Variants in CUX1 observed in about 807,000 individuals in gnomAD.
CUX1 encodes protein CASP.
Under a neutral mutation model 158.8 loss-of-function variants are expected in CUX1, and 31 were observed. The ratio of observed to expected loss-of-function variants is 0.20; its 90% CI spans 0.15 to 0.26. CUX1 has a LOEUF of 0.26. Among genes scored for constraint, CUX1 ranks in the 10% least tolerant of loss-of-function variants. CUX1 has a pLI of 1.00. For missense variants in CUX1, 1,589 were observed against 2,014.6 expected, an observed-to-expected ratio of 0.79 and a Z score of 4.04; for synonymous variants, 879 against 862.1, an observed-to-expected ratio of 1.02 and a Z score of -0.34.
In CUX1 at chr7:102,115,287, C is replaced by T. The variant is rs782485785; in HGVS notation, c.674+14C>T. The T allele has an allele frequency of 1.2e-6, 2 of 1,606,430 alleles. No homozygotes were observed. Among genetic ancestry groups the T allele is most frequent in the South Asian group, 2.2e-5 (2 of 89,770 alleles). ...AACTACTGCAAAGTAAGTCTCTCTGCTTGGCCTCCCTTATCCGTACACATT... is the reference window on the plus strand; with the variant it reads ...AACTACTGCAAAGTAAGTCTCTCTGTTTGGCCTCCCTTATCCGTACACATT... On this transcript the variant is annotated intron_variant, in intron 8 of 23. Coordinates refer to ENST00000292535, the MANE Select transcript of CUX1 (RefSeq NM_181552.4).
chr7:102,213,163 A>G (rs557058819), intron 20 of CUX1, among the ~76,000 whole-genome samples: 3 of 152,234 alleles, frequency 2.0e-5, no homozygotes, highest in African/African-American at 7.2e-5. Context: ...CTTTTAAAAC[A>G]GAATCTAGTC....
chr7:102,251,843 T>C lies in CUX1; in HGVS notation c.*2801T>C, dbSNP rs959902818. 1.7e-5 allele frequency: 17 copies of C among 985,338 alleles called. No homozygotes were observed. The highest frequency in any genetic ancestry group is 2.0e-5 in the Non-Finnish European group (17 of 829,934). 61.0% of individuals were successfully genotyped at this position (985,338 alleles called of 1,614,324 possible). On this transcript the variant is annotated 3_prime_UTR_variant, in exon 24 of 24. Coordinates refer to ENST00000292535, the MANE Select transcript of CUX1 (RefSeq NM_181552.4). ...GGTTTAGTTTTAAAGGCATGACTGT[T>C]ATTTACAAAGGTGTTAAATCTGAGG... is the stretch of plus-strand genomic sequence containing the variant.
chr7:102,003,334 A>ACACGCC (rs1469103474), intron 2 of CUX1, among the ~76,000 whole-genome samples: 6 of 146,764 alleles, frequency 4.1e-5, no homozygotes, highest in East Asian at 2.0e-4. Context: ...ACACACACAC[A>ACACGCC]CGCCCGCCCC....
chr7:102,200,221 A>C, intron 17 of CUX1, 49 bp downstream of exon 17: 1 of 1,483,380 alleles, frequency 6.7e-7, no homozygotes, highest in Non-Finnish European at 9.3e-7. Context: ...AATTAAGAGA[A>C]TTGTCATGAG....
At chr7:101,922,721 C>A (rs992776356) in intron 2 of CUX1, among the ~76,000 whole-genome samples, 1 of 152,180 alleles carries the variant, frequency 6.6e-6, no homozygotes, top group Non-Finnish European at 1.5e-5. Context: ...CAAGGCCTGA[C>A]CGCTGGGCAG....
Position 101,821,388 on chromosome 7 carries a change from G to C in CUX1, c.30+3719G>C, listed in dbSNP as rs541733387. Among the ~76,000 whole-genome samples the C allele has an allele frequency of 1.5e-4, 23 of 151,452 alleles. No homozygotes were observed. The South Asian group carries it at 3.1e-3, about 21-fold the overall frequency. On this transcript the variant is annotated intron_variant, in intron 1 of 23. Coordinates refer to ENST00000292535, the MANE Select transcript of CUX1 (RefSeq NM_181552.4). ...GAGTCTCGCTCTTTCGCCCAGGCCG[G>C]AGTGCAGAGGCACTATCTCAGCTCA...
chr7:102,170,800 C>CT (rs1791627032), intron 10 of CUX1, among the ~76,000 whole-genome samples: 1 of 151,350 alleles, frequency 6.6e-6, no homozygotes, highest in African/African-American at 2.5e-5. Context: ...AAGGTGGAGG[C>CT]TACGCAGGCA....
At chr7:102,055,702 G>A (rs1824050438) in intron 3 of CUX1, among the ~76,000 whole-genome samples, 1 of 152,114 alleles carries the variant, frequency 6.6e-6, no homozygotes, top group Non-Finnish European at 1.5e-5. Context: ...TCCTGCAATG[G>A]CCTATTAAGT....
At chr7:102,142,154 G>T (rs903114927) in intron 8 of CUX1, among the ~76,000 whole-genome samples, 8 of 152,116 alleles carry the variant, frequency 5.3e-5, no homozygotes, top group African/African-American at 1.2e-4. Flanking sequence ...CTCCCCTGTG[G>T]TGTGTCTTTT....
chr7:101,971,437 C>G (rs1226732206), intron 2 of CUX1, among the ~76,000 whole-genome samples: 1 of 152,098 alleles, frequency 6.6e-6, no homozygotes, highest in Non-Finnish European at 1.5e-5. Flanking sequence ...CACTGGAGCC[C>G]AGGAGTTCAA....
Position 102,249,491 on chromosome 7 carries a change from T to A in CUX1, c.*449T>A, listed in dbSNP as rs1203962339. Reference sequence around the variant, plus strand: ...TTTTTGTACCCTGAAGTGTTTTTTTTATTGCCCTAAGTGATTTCCACAGGT... The same window carrying A: ...TTTTTGTACCCTGAAGTGTTTTTTTAATTGCCCTAAGTGATTTCCACAGGT... On this transcript the variant is annotated 3_prime_UTR_variant, in exon 24 of 24. Transcript: ENST00000292535. 4.2e-5 allele frequency: 41 copies of A among 985,964 alleles called. No individual in the cohort carries two copies. The highest frequency in any genetic ancestry group is 1.1e-4 in the East Asian group (1 of 8,822). The allele number at this position is 985,964 out of a possible 1,614,324, so 61.1% of individuals were successfully genotyped here. A position where few individuals can be genotyped will look rare whatever the true frequency, so the allele number is the denominator to read the frequency against.
chr7:102,165,350 CTT>C lies in CUX1; in HGVS notation c.724-5077_724-5076del, dbSNP rs533978049. 1.0e-3 allele frequency among the ~76,000 whole-genome samples: 110 copies of C among 105,304 alleles called. 1 individual carries two copies. Among genetic ancestry groups the C allele is most frequent in the Middle Eastern group, 6.0e-3 (1 of 166 alleles). The allele number at this position is 105,304 out of a possible 152,430, so 69.1% of individuals were successfully genotyped here. Reference sequence around the variant, plus strand: ...ATCGGGCACTGCGGTTAGGGGAAAGCTTTTTTTTTTTTTTTTTTTTGAGATGG... The same window carrying C: ...ATCGGGCACTGCGGTTAGGGGAAAGCTTTTTTTTTTTTTTTTTTGAGATGG... On this transcript the variant is annotated intron_variant, in intron 9 of 23. Coordinates refer to ENST00000292535, the MANE Select transcript of CUX1 (RefSeq NM_181552.4).
At chr7:102,214,693 A>G (rs1026145743) in intron 20 of CUX1, among the ~76,000 whole-genome samples, 2 of 152,196 alleles carry the variant, frequency 1.3e-5, no homozygotes, top group South Asian at 2.1e-4. Context: ...CCCCAGCCCC[A>G]TGCGGACTGG....
intron 9 of CUX1, among the ~76,000 whole-genome samples, chr7:102,169,366 G>A (rs781807360): frequency 6.6e-6 from 1 of 152,106 alleles, no homozygotes; most frequent in Non-Finnish European, 1.5e-5. Flanking sequence ...ACCATGCCCA[G>A]CCTTTGGCCA....
At chr7:101,865,669 C>T (rs934155731) in intron 1 of CUX1, among the ~76,000 whole-genome samples, 7 of 152,190 alleles carry the variant, frequency 4.6e-5, no homozygotes, top group African/African-American at 1.4e-4. Flanking sequence ...TGTTTGTGAA[C>T]GCCGAAGGGT....
rs1277899087 is a variant in CUX1 at position 101,926,941 on chromosome 7, G to A, written c.141+10716G>A. Among the ~76,000 whole-genome samples the A allele has an allele frequency of 3.3e-5, 5 of 152,160 alleles. No individual in the cohort carries two copies. The East Asian group carries it at 9.6e-4, about 29-fold the overall frequency. ...AGGGGCAGTCAGATACAGCAGGGAT[G>A]GAGGGAGAAGATTCCAGATCTCACA... On this transcript the variant is annotated intron_variant, in intron 2 of 23. Transcript: ENST00000292535.
At chr7:102,058,794 C>T (rs533884585) in intron 3 of CUX1, among the ~76,000 whole-genome samples, 3 of 152,300 alleles carry the variant, frequency 2.0e-5, no homozygotes, top group East Asian at 1.9e-4. Flanking sequence ...CTGCCCCACT[C>T]CCCCACCGGG....
chr7:102,200,838 T>A (rs1391666607), intron 17 of CUX1, among the ~76,000 whole-genome samples: 1 of 151,662 alleles, frequency 6.6e-6, no homozygotes, highest in Non-Finnish European at 1.5e-5. Flanking sequence ...AAGACCAGCC[T>A]ATGCAACACA....
At position 102,249,117 on chromosome 7, in the gene CUX1, C is replaced by G. The variant is rs544951522; in HGVS notation, c.*75C>G. ...ACGGGGTCGGACGGGGCAGGCGCTG[C>G]GGACACCGTGGCCTGGGCTTGGCCC... On this transcript the variant is annotated 3_prime_UTR_variant, in exon 24 of 24. Transcript: ENST00000292535. 8.5e-7 allele frequency: 1 copy of G among 1,181,098 alleles called. No individual in the cohort carries two copies. The highest frequency in any genetic ancestry group is 3.8e-5 in the South Asian group (1 of 26,224). The allele number at this position is 1,181,098 out of a possible 1,614,324, so 73.2% of individuals were successfully genotyped here. A position where few individuals can be genotyped will look rare whatever the true frequency, so the allele number is the denominator to read the frequency against.
Sources: gnomAD v4.1 joint callset for allele counts (sites outside exome capture counted in the v4.1 genomes callset) on GRCh38, gnomAD v4.1.1 for gene constraint, MANE v1.5 for transcripts, NCBI Gene and HGNC (gene_info 2026-07-23, HGNC 2026-07-21) for gene names.